COL7A1: variants seen among roughly 807,000 people sequenced by gnomAD.
The protein encoded by COL7A1 is collagen alpha-1(VII) chain.
COL7A1 carries 296 observed loss-of-function variants against 456.2 expected under a neutral mutation model. The ratio of observed to expected loss-of-function variants is 0.65; its 90% CI spans 0.59 to 0.71. The LOEUF (loss-of-function observed/expected upper bound fraction) is 0.71, where lower values mean the gene tolerates loss of function less well. COL7A1 is among the 30% of genes least tolerant of loss of function. The pLI is 0.00. For missense variants in COL7A1, 3,441 were observed against 4,017.2 expected (o/e 0.86, Z 3.88); for synonymous variants, 1,464 against 1,525.9 (o/e 0.96, Z 0.95).
intron 45 of COL7A1, 24 bp downstream of exon 45, chr3:48,582,585 G>C (rs928652065): frequency 1.2e-5 from 19 of 1,613,752 alleles, no homozygotes; most frequent in Non-Finnish European, 1.3e-5. Context: ...CCCACTCCTG[G>C]TCCCACCACA....
chr3:48,590,368 G>C lies in COL7A1; in HGVS notation c.1907-12C>G, dbSNP rs781589201. Reference sequence around the variant, plus strand: ...GCTGGACTCCGGACCTGAGGTCAGAGGGAAATGCTGGCATGGCTCCTGCCT... The same window carrying C: ...GCTGGACTCCGGACCTGAGGTCAGACGGAAATGCTGGCATGGCTCCTGCCT... On this transcript the variant is annotated splice_polypyrimidine_tract_variant and intron_variant, in intron 15 of 118. Coordinates refer to ENST00000681320, the MANE Select transcript of COL7A1 (RefSeq NM_000094.4). This position sits in a 1 kb window ranked among gnomAD's most constrained non-coding sequence, Gnocchi z 4.6. 6.2e-7 allele frequency: 1 copy of C among 1,614,060 alleles called. No homozygotes were observed. Among genetic ancestry groups the C allele is most frequent in the South Asian group, 1.1e-5 (1 of 91,088 alleles).
chr3:48,571,700 T>G lies in COL7A1; in HGVS notation c.7068+301A>C. 1 of 642,844 alleles carries G rather than the reference T, an allele frequency of 1.6e-6. No individual in the cohort carries two copies. The highest frequency in any genetic ancestry group is 2.9e-6 in the Non-Finnish European group (1 of 344,122). 39.8% of individuals were successfully genotyped at this position (642,844 alleles called of 1,614,324 possible). ...TTGTAAACACAGGACCAAGGAGAGG[T>G]TCACAAGAACTCAGGTGTGTCCTGG... is the stretch of plus-strand genomic sequence containing the variant. On this transcript the variant is annotated intron_variant, in intron 92 of 118. Transcript: ENST00000681320. The surrounding 1 kb of genome is among the most constrained non-coding windows in gnomAD (Gnocchi z 4.6).
Position 48,578,929 on chromosome 3 carries a change from G to C in COL7A1, c.5414C>G (p.Pro1805Arg). ...PNGAAGKAGDPGRDGLPGLRG... is the reference protein window; with the variant it reads ...PNGAAGKAGDRGRDGLPGLRG... ...TCTCCCCTCACTTACGTCTCTCCCT[G>C]GGTCCCCAGCTTTGCCTGCAGCACC... The change falls in exon 63 of 119, where the codon CCA becomes CGA. Residue 1805 changes from proline to arginine, a missense_variant. Pro to Arg is a moderately radical substitution (Grantham distance 103, BLOSUM62 -2). Coordinates refer to ENST00000681320, the MANE Select transcript of COL7A1 (RefSeq NM_000094.4). This position sits in a 1 kb window ranked among gnomAD's most constrained non-coding sequence, Gnocchi z 4.7. 6.2e-7 allele frequency: 1 copy of C among 1,613,930 alleles called. No homozygotes were observed. Among genetic ancestry groups the C allele is most frequent in the Non-Finnish European group, 8.5e-7 (1 of 1,179,966 alleles).
chr3:48,577,173 GT>G (rs2044370867), intron 65 of COL7A1, 146 bp from the exon 66 acceptor site: 1 of 1,126,190 alleles, frequency 8.9e-7, no homozygotes, highest in South Asian at 1.3e-5. Flanking sequence ...GCCTGTGGCC[GT>G]CTGAGTGAGC....
In COL7A1 at chr3:48,568,524, C is replaced by T; in HGVS notation, c.7769G>A (p.Gly2590Asp). The change falls in exon 105 of 119, where the codon GGT (glycine) becomes GAT (aspartate). Residue 2590 changes from glycine to aspartate, a missense_variant. Physicochemically the swap from Gly to Asp is moderately conservative, Grantham distance 94. Around this residue, in one of 3 missense-constraint regions of COL7A1, gnomAD observed 2,084 missense variants for 2,501.3 expected, o/e 0.83. Coordinates refer to ENST00000681320, the MANE Select transcript of COL7A1 (RefSeq NM_000094.4). This position sits in a 1 kb window ranked among gnomAD's most constrained non-coding sequence, Gnocchi z 5.2. ...CGGGTCACCAGGGATCCCTGCTGCA[C>T]CAGGTTGACCCTGTGAGAAACACAG... The part of the protein sequence containing the change: ...RGLLGPQGQP[G>D]AAGIPGDPGS... 1 of 1,607,574 alleles carries T rather than the reference C, an allele frequency of 6.2e-7. No individual in the cohort carries two copies. Among genetic ancestry groups the T allele is most frequent in the Non-Finnish European group, 8.5e-7 (1 of 1,175,288 alleles).
In COL7A1 at chr3:48,593,735, G is replaced by T; in HGVS notation, c.267-39C>A. 2 of 1,613,856 alleles carry T rather than the reference G, an allele frequency of 1.2e-6. No individual in the cohort carries two copies. Among genetic ancestry groups the T allele is most frequent in the African/African-American group, 2.7e-5 (2 of 75,056 alleles). The stretch of plus-strand genomic sequence containing the variant: ...GGGGTGGCAACAGGCTAGGACTCAG[G>T]ATCTCTTCTGGCCCTGGCCTTGAGG... On this transcript the variant is annotated intron_variant, in intron 3 of 118. Coordinates refer to ENST00000681320, the MANE Select transcript of COL7A1 (RefSeq NM_000094.4). This position sits in a 1 kb window ranked among gnomAD's most constrained non-coding sequence, Gnocchi z 4.4.
chr3:48,581,562 C>T lies in COL7A1; in HGVS notation c.4782+11G>A. 1 of 1,614,162 alleles carries T rather than the reference C, an allele frequency of 6.2e-7. No individual in the cohort carries two copies. The highest frequency in any genetic ancestry group is 1.1e-5 in the South Asian group (1 of 91,082). On this transcript the variant is annotated intron_variant, in intron 50 of 118. Transcript: ENST00000681320. The surrounding 1 kb of genome is among the most constrained non-coding windows in gnomAD (Gnocchi z 5.8). ...CCCTCTGTCACACTCCCCATTCCCA[C>T]ATTGATTCACCCGGTCTCCAGGGTC... is the stretch of plus-strand genomic sequence containing the variant.
Position 48,568,035 on chromosome 3 carries a change from C to T in COL7A1, c.7875+55G>A. 1 of 1,609,392 alleles carries T rather than the reference C, an allele frequency of 6.2e-7. No individual in the cohort carries two copies. On this transcript the variant is annotated intron_variant, in intron 106 of 118. Coordinates refer to ENST00000681320, the MANE Select transcript of COL7A1 (RefSeq NM_000094.4). The surrounding 1 kb of genome is among the most constrained non-coding windows in gnomAD (Gnocchi z 5.2). ...TAATATCTGACCCCAGGTCCCTCGC[C>T]CTTCAACATTAGGCCTTCCTGACCA...
At position 48,569,632 on chromosome 3, in the gene COL7A1, A is replaced by G. The variant is rs2107642502; in HGVS notation, c.7574T>C (p.Ile2525Thr). 1 of 1,613,842 alleles carries G rather than the reference A, an allele frequency of 6.2e-7. No individual in the cohort carries two copies. Among genetic ancestry groups the G allele is most frequent in the East Asian group, 2.2e-5 (1 of 44,864 alleles). The change falls in exon 102 of 119, where the codon ATC becomes ACC. Residue 2525 changes from isoleucine (I) to threonine (T), a missense_variant. Physicochemically the swap from Ile to Thr is moderately conservative, Grantham distance 89. Coordinates refer to ENST00000681320, the MANE Select transcript of COL7A1 (RefSeq NM_000094.4). This position sits in a 1 kb window ranked among gnomAD's most constrained non-coding sequence, Gnocchi z 4.9. ...ACCCCGTGGGCCTGGAGGCCCCAGGATCACAGCTGAGTCTCCCTGAGGGGG... is the reference window on the plus strand; with the variant it reads ...ACCCCGTGGGCCTGGAGGCCCCAGGGTCACAGCTGAGTCTCCCTGAGGGGG... ...LKGDKGDSAV[I>T]LGPPGPRGAK...
rs777371275 is a variant in COL7A1 at position 48,593,569 on chromosome 3, G to A, written c.394C>T (p.Leu132=). 1.2e-6 allele frequency: 2 copies of A among 1,614,068 alleles called. No homozygotes were observed. The highest frequency in any genetic ancestry group is 1.7e-6 in the Non-Finnish European group (2 of 1,180,032). The change falls in exon 4 of 119, where the codon CTG becomes TTG. Residue 132 remains leucine, a synonymous_variant. Coordinates refer to ENST00000681320, the MANE Select transcript of COL7A1 (RefSeq NM_000094.4). This position sits in a 1 kb window ranked among gnomAD's most constrained non-coding sequence, Gnocchi z 4.4. The part of the protein sequence containing the change: ...AILHVADHVF[L]PQLARPGVPK... Reference sequence around the variant, plus strand: ...ACACCAGGTCGGGCCAGCTGGGGCAGGAAGACATGGTCAGCCACATGGAGA... The same window carrying A: ...ACACCAGGTCGGGCCAGCTGGGGCAAGAAGACATGGTCAGCCACATGGAGA...
In COL7A1 at chr3:48,572,911, C is replaced by T. The variant is rs759875270; in HGVS notation, c.6782G>A (p.Arg2261Gln). Residue 2261 changes from arginine (R) to glutamine (Q), a missense_variant, in exon 87 of 119, where the codon CGA becomes CAA. Transcript: ENST00000681320. This position sits in a 1 kb window ranked among gnomAD's most constrained non-coding sequence, Gnocchi z 4.6. Reference sequence around the variant, plus strand: ...TCCATCTTTTCCACTGGCACCATCTCGACCTGGGGCTCCCGGCTTCCCTGT... The same window carrying T: ...TCCATCTTTTCCACTGGCACCATCTTGACCTGGGGCTCCCGGCTTCCCTGT... The part of the protein sequence containing the change: ...GETGKPGAPG[R>Q]DGASGKDGDR... 9 of 1,613,884 alleles carry T rather than the reference C, an allele frequency of 5.6e-6. No homozygotes were observed. Among genetic ancestry groups the T allele is most frequent in the South Asian group, 3.3e-5 (3 of 91,080 alleles).
At chr3:48,589,114 C>T (rs1463278103) in intron 18 of COL7A1, 119 bp from the exon 19 acceptor site, 1 of 1,562,534 alleles carries the variant, frequency 6.4e-7, no homozygotes, top group Non-Finnish European at 8.8e-7. Context: ...TCACTTTAGG[C>T]AGCCCTGAGG....
Position 48,585,505 on chromosome 3 carries a change from G to A in COL7A1, c.3894+52C>T, listed in dbSNP as rs375609047. The A allele has an allele frequency of 5.7e-5, 91 of 1,586,550 alleles. No homozygotes were observed. Among genetic ancestry groups the A allele is most frequent in the East Asian group, 3.4e-4 (15 of 44,762 alleles). The stretch of plus-strand genomic sequence containing the variant: ...CTTCCTTCTCTCTTGTAAAAACCCC[G>A]AGACAGCTTTGAGGAGTGCCTCAGA... On this transcript the variant is annotated intron_variant, in intron 32 of 118. Coordinates refer to ENST00000681320, the MANE Select transcript of COL7A1 (RefSeq NM_000094.4). The surrounding 1 kb of genome is among the most constrained non-coding windows in gnomAD (Gnocchi z 4.5).
rs766489690 is a variant in COL7A1, at chr3:48,588,269, G to A, written c.2710+13C>T. ...CCAATGGTCCCTAACTTCCTCCTGG[G>A]GACACCTCTCACCCTCAGGTTGCCA... is the stretch of plus-strand genomic sequence containing the variant. On this transcript the variant is annotated intron_variant, in intron 21 of 118. Coordinates refer to ENST00000681320, the MANE Select transcript of COL7A1 (RefSeq NM_000094.4). This position sits in a 1 kb window ranked among gnomAD's most constrained non-coding sequence, Gnocchi z 4.6. 1 of 1,612,686 alleles carries A rather than the reference G, an allele frequency of 6.2e-7. No homozygotes were observed. The highest frequency in any genetic ancestry group is 1.1e-5 in the South Asian group (1 of 91,072).
chr3:48,567,512 A>G lies in COL7A1; in HGVS notation c.8046+62T>C. On this transcript the variant is annotated intron_variant, in intron 109 of 118. Transcript: ENST00000681320. The surrounding 1 kb of genome is among the most constrained non-coding windows in gnomAD (Gnocchi z 4.3). ...CTTGTCCCTACACCCCCATGACCCGACCATGAGCTTCCCTGCCCCATCCTG... is the reference window on the plus strand; with the variant it reads ...CTTGTCCCTACACCCCCATGACCCGGCCATGAGCTTCCCTGCCCCATCCTG... The G allele has an allele frequency of 6.2e-7, 1 of 1,607,956 alleles. No homozygotes were observed. Among genetic ancestry groups the G allele is most frequent in the Non-Finnish European group, 8.5e-7 (1 of 1,175,084 alleles).
Position 48,575,966 on chromosome 3 carries a change from C to G in COL7A1, c.5821-64G>C. 6.2e-7 allele frequency: 1 copy of G among 1,612,610 alleles called. No individual in the cohort carries two copies. The highest frequency in any genetic ancestry group is 8.5e-7 in the Non-Finnish European group (1 of 1,178,786). On this transcript the variant is annotated intron_variant, in intron 71 of 118. Transcript: ENST00000681320. This position sits in a 1 kb window ranked among gnomAD's most constrained non-coding sequence, Gnocchi z 6.3. ...AGAAGCTCCTGCCTTCTGCCCCGCA[C>G]GGCCTCAGGAAAGCACCTTCACACC...
Position 48,580,315 on chromosome 3 carries a change from A to G in COL7A1, c.5082T>C (p.Gly1694=). The change falls in exon 56 of 119, where the codon GGT becomes GGC. Residue 1694 remains glycine (G), a synonymous_variant. Transcript: ENST00000681320. The surrounding 1 kb of genome is among the most constrained non-coding windows in gnomAD (Gnocchi z 4.5). Reference sequence around the variant, plus strand: ...CCCTACTCACCGGCTCCCCACGGTCACCCTTGGGTCCAGATGATCCAGGGC... The same window carrying G: ...CCCTACTCACCGGCTCCCCACGGTCGCCCTTGGGTCCAGATGATCCAGGGC... ...NGSPGSSGPK[G]DRGEPGPPGP... 6.2e-7 allele frequency: 1 copy of G among 1,610,444 alleles called. No individual in the cohort carries two copies. The highest frequency in any genetic ancestry group is 1.3e-5 in the African/African-American group (1 of 74,890).
In COL7A1 at chr3:48,565,029, T is replaced by C; in HGVS notation, c.8621-49A>G. On this transcript the variant is annotated intron_variant, in intron 117 of 118. Coordinates refer to ENST00000681320, the MANE Select transcript of COL7A1 (RefSeq NM_000094.4). This position sits in a 1 kb window ranked among gnomAD's most constrained non-coding sequence, Gnocchi z 4.5. ...CAGGGTTTGTGGGAATCAGAGAGGG[T>C]TGAAAGGTCAGGGGGAGGTCAGCAG... is the stretch of plus-strand genomic sequence containing the variant. 1.9e-6 allele frequency: 3 copies of C among 1,612,944 alleles called. No homozygotes were observed. The highest frequency in any genetic ancestry group is 2.2e-5 in the East Asian group (1 of 44,808).
intron 44 of COL7A1, 110 bp downstream of exon 44, chr3:48,582,903 C>CA (rs1309534537): frequency 8.0e-6 from 12 of 1,507,224 alleles, no homozygotes; most frequent in African/African-American, 1.4e-5. Flanking sequence ...GATAAGTGGT[C>CA]ATTGAGGAGG....
Sources: gnomAD v4.1 joint callset for allele counts on GRCh38, gnomAD v4.1.1 for gene constraint, gnomAD v4.1.1 regional missense constraint, Gnocchi (gnomAD v3.1) non-coding constraint, MANE v1.5 for transcripts, NCBI Gene and HGNC (gene_info 2026-07-23, HGNC 2026-07-21) for gene names.